The following COL22A1 variants were observed in gnomAD, a reference collection of about 807,000 sequenced individuals.
COL22A1 encodes collagen alpha-1(XXII) chain.
COL22A1 carries 221 observed loss-of-function variants against 248.9 expected under a neutral mutation model. The ratio of observed to expected loss-of-function variants is 0.89; its 90% CI spans 0.80 to 0.99. The LOEUF (loss-of-function observed/expected upper bound fraction) is 0.99, where lower values mean the gene tolerates loss of function less well. COL22A1 is among the 50% of genes least tolerant of loss of function. COL22A1 has a pLI of 0.00. For missense variants in COL22A1, 2,240 were observed against 2,179.0 expected (o/e 1.03, Z -0.56); for synonymous variants, 891 against 793.4 (o/e 1.12, Z -2.07).
At position 138,847,223 on chromosome 8, in the gene COL22A1, C is replaced by T. The variant is rs532630411; in HGVS notation, c.659-3065G>A. Reference sequence around the variant, plus strand: ...TTCTAGCTCCAAACCCATAACAGGCCTTCAGCTGTTGAGCAGAAATGACTT... The same window carrying T: ...TTCTAGCTCCAAACCCATAACAGGCTTTCAGCTGTTGAGCAGAAATGACTT... On this transcript the variant is annotated intron_variant, in intron 3 of 64. Coordinates refer to ENST00000303045, the MANE Select transcript of COL22A1 (RefSeq NM_152888.3). 1.5e-3 allele frequency among the ~76,000 whole-genome samples: 221 copies of T among 152,310 alleles called. 2 individuals are homozygous for T. Among genetic ancestry groups the T allele is most frequent in the African/African-American group, 5.1e-3 (214 of 41,556 alleles).
At chr8:138,788,701 C>A (rs186611878) in intron 12 of COL22A1, among the ~76,000 whole-genome samples, 1 of 152,152 alleles carries the variant, frequency 6.6e-6, no homozygotes, top group Admixed American at 6.5e-5. Context: ...GGGAATAAGA[C>A]CTCATTAATG....
At chr8:138,906,698 G>A (rs752293031) in intron 1 of COL22A1, among the ~76,000 whole-genome samples, 41 of 151,706 alleles carry the variant, frequency 2.7e-4, no homozygotes, top group Middle Eastern at 6.8e-3. Context: ...TGTCACCCAG[G>A]CTGGAGTGCA....
chr8:138,642,367 C>A (rs917190310), intron 47 of COL22A1, among the ~76,000 whole-genome samples: 3 of 152,306 alleles, frequency 2.0e-5, no homozygotes, highest in Non-Finnish European at 4.4e-5. Context: ...GAAATAGTAA[C>A]CTGCTCCTTG....
intron 7 of COL22A1, among the ~76,000 whole-genome samples, chr8:138,820,908 T>C (rs1474770826): frequency 6.6e-6 from 1 of 152,182 alleles, no homozygotes; most frequent in Non-Finnish European, 1.5e-5. Flanking sequence ...ATGTGATGAA[T>C]GATTGATGGA....
intron 2 of COL22A1, among the ~76,000 whole-genome samples, chr8:138,880,526 TA>T (rs1277968548): frequency 2.0e-5 from 3 of 152,320 alleles, no homozygotes; most frequent in African/African-American, 7.2e-5. Context: ...TTTACACACA[TA>T]CTCCCACAAA....
chr8:138,766,376 A>C (rs1833910130), intron 16 of COL22A1, among the ~76,000 whole-genome samples: 3 of 152,008 alleles, frequency 2.0e-5, no homozygotes, highest in African/African-American at 7.2e-5. Flanking sequence ...ATGCGTGGTC[A>C]TTAGCAGGGG....
At chr8:138,812,855 C>T (rs895549717) in intron 8 of COL22A1, 84 bp downstream of exon 8, 33 of 1,072,524 alleles carry the variant, frequency 3.1e-5, no homozygotes, top group Non-Finnish European at 4.6e-5. Flanking sequence ...CACCAACCAC[C>T]CAACCCTAAG....
Position 138,897,375 on chromosome 8 carries a change from G to A in COL22A1, c.-72-14131C>T, listed in dbSNP as rs545110981. On this transcript the variant is annotated intron_variant, in intron 1 of 64. Coordinates refer to ENST00000303045, the MANE Select transcript of COL22A1 (RefSeq NM_152888.3). ...ACCCTGGCCAACATGGTGAAACCCCGTCTCTACTTAAAAAAATACAAACAT... is the reference window on the plus strand; with the variant it reads ...ACCCTGGCCAACATGGTGAAACCCCATCTCTACTTAAAAAAATACAAACAT... 1.1e-4 allele frequency among the ~76,000 whole-genome samples: 16 copies of A among 151,974 alleles called. No homozygotes were observed. In the East Asian group the frequency reaches 2.7e-3, roughly 26 times the overall value.
At chr8:138,888,443 T>A (rs117634263) in intron 1 of COL22A1, among the ~76,000 whole-genome samples, 3,914 of 152,310 alleles carry the variant, frequency 0.026, 70 homozygotes, top group Non-Finnish European at 0.04. Context: ...GAATGGCATC[T>A]GCCAGGCCCC....
chr8:138,769,852 A>G (rs1834217116), intron 16 of COL22A1, among the ~76,000 whole-genome samples: 1 of 152,180 alleles, frequency 6.6e-6, no homozygotes, highest in South Asian at 2.1e-4. Context: ...CAAAATGGAA[A>G]AGACAGAGGT....
intron 16 of COL22A1, among the ~76,000 whole-genome samples, chr8:138,763,578 T>A (rs1833685729): frequency 6.6e-6 from 1 of 151,998 alleles, no homozygotes; most frequent in Admixed American, 6.6e-5. Context: ...GGGTCCTTCT[T>A]CCAGGTGGGC....
intron 45 of COL22A1, among the ~76,000 whole-genome samples, chr8:138,654,275 A>T (rs1564149021): frequency 1.3e-5 from 2 of 152,138 alleles, no homozygotes; most frequent in South Asian, 4.1e-4. Context: ...TAAACAGAAG[A>T]TTGAATCAAT....
chr8:138,858,444 A>G (rs1822208487), intron 3 of COL22A1, among the ~76,000 whole-genome samples: 1 of 152,036 alleles, frequency 6.6e-6, no homozygotes, highest in African/African-American at 2.4e-5. Flanking sequence ...GCAGTGGTGC[A>G]ATCACAGCTC....
In COL22A1 at chr8:138,772,776, T is replaced by C. The variant is rs551893520; in HGVS notation, c.1803+3190A>G. Among the ~76,000 whole-genome samples the C allele has an allele frequency of 1.8e-4, 27 of 152,234 alleles. 1 individual carries two copies. The South Asian group carries it at 2.3e-3, about 13-fold the overall frequency. Reference sequence around the variant, plus strand: ...CTCAGGAGAGGCTGAGGCAGGAGAATTGCTTGGACCCGGGAGGTGGAGGTT... The same window carrying C: ...CTCAGGAGAGGCTGAGGCAGGAGAACTGCTTGGACCCGGGAGGTGGAGGTT... On this transcript the variant is annotated intron_variant, in intron 16 of 64. Coordinates refer to ENST00000303045, the MANE Select transcript of COL22A1 (RefSeq NM_152888.3).
intron 13 of COL22A1, among the ~76,000 whole-genome samples, chr8:138,780,655 G>A (rs1382041319): frequency 6.6e-6 from 1 of 152,126 alleles, no homozygotes; most frequent in African/African-American, 2.4e-5. Context: ...TAGGCACGGG[G>A]GATAACAAGG....
At chr8:138,654,799 G>T (rs1823079899) in intron 45 of COL22A1, among the ~76,000 whole-genome samples, 1 of 152,198 alleles carries the variant, frequency 6.6e-6, no homozygotes, top group African/African-American at 2.4e-5. Context: ...GCCATGCTGT[G>T]CCCTATCTTG....
chr8:138,691,490 T>C (rs1826872820), intron 35 of COL22A1, among the ~76,000 whole-genome samples: 1 of 129,564 alleles, frequency 7.7e-6, no homozygotes, highest in Non-Finnish European at 1.7e-5. Flanking sequence ...GAGGTATGTG[T>C]ATGTGTGCAC....
chr8:138,724,635 G>C lies in COL22A1; in HGVS notation c.2227C>G (p.Pro743Ala), dbSNP rs1448268347. 6.2e-7 allele frequency: 1 copy of C among 1,614,190 alleles called. No homozygotes were observed. ...LPGEIGFPGK[P>A]GPPGPTGPPG... ...CTCACCGTGGGCCCAGGAGGTCCAG[G>C]CTTTCCCGGGAAGCCGATCTCTCCA... The change falls in exon 25 of 65, where the codon CCT becomes GCT. Residue 743 changes from proline to alanine, a missense_variant. Transcript: ENST00000303045.
chr8:138,694,939 G>A (rs1827383067), intron 32 of COL22A1, 60 bp from the exon 33 acceptor site: 1 of 1,549,258 alleles, frequency 6.5e-7, no homozygotes, highest in Non-Finnish European at 8.9e-7. Context: ...TCGTCACAGG[G>A]TACATGTCCC....
Sources: gnomAD v4.1 joint callset for allele counts (sites outside exome capture counted in the v4.1 genomes callset) on GRCh38, gnomAD v4.1.1 for gene constraint, MANE v1.5 for transcripts, NCBI Gene and HGNC (gene_info 2026-07-23, HGNC 2026-07-21) for gene names.